AGL: variants seen among roughly 807,000 people sequenced by gnomAD.
AGL encodes glycogen debranching enzyme.
In AGL, 128 loss-of-function variants were observed where a neutral mutation model predicts 199.3. That is an observed-to-expected ratio of 0.64 (90% confidence interval 0.56 to 0.74). AGL has a LOEUF of 0.74. Ranked by LOEUF, AGL falls within the 30% of genes least tolerant of loss-of-function variation. The probability of loss-of-function intolerance (pLI) is 0.00; values close to 1 mark genes in which losing one functional copy is unlikely to be tolerated. For synonymous variants in AGL, 584 were observed against 594.7 expected, an observed-to-expected ratio of 0.98 and a Z score of 0.26; for missense variants, 1,809 against 1,820.8, an observed-to-expected ratio of 0.99 and a Z score of 0.12.
intron 13 of AGL, 89 bp downstream of exon 13, chr1:99,880,135 A>G: frequency 6.5e-7 from 1 of 1,548,246 alleles, no homozygotes; most frequent in South Asian, 1.1e-5. Flanking sequence ...GCAATGCTTA[A>G]TAATTTTTTA....
intron 27 of AGL, among the ~76,000 whole-genome samples, chr1:99,908,222 T>G (rs971674968): frequency 8.1e-5 from 12 of 147,450 alleles, no homozygotes; most frequent in Non-Finnish European, 1.4e-4. Context: ...TTTTTTTTTT[T>G]GCATGTGAAT....
intron 11 of AGL, among the ~76,000 whole-genome samples, chr1:99,877,173 C>CT (rs1166926903): frequency 6.6e-6 from 1 of 151,798 alleles, no homozygotes; most frequent in African/African-American, 2.4e-5. Context: ...AATCTTAATG[C>CT]TTTTTTTTAA....
At chr1:99,873,851 A>G (rs1651235902) in intron 7 of AGL, among the ~76,000 whole-genome samples, 1 of 152,126 alleles carries the variant, frequency 6.6e-6, no homozygotes. Flanking sequence ...TATGAAACCC[A>G]TTATTTTGTT....
rs1655149261 is a variant in AGL, at chr1:99,916,738, C to A, written c.4481+7C>A. On this transcript the variant is annotated splice_region_variant and intron_variant, in intron 33 of 33. Coordinates refer to ENST00000361915, the MANE Select transcript of AGL (RefSeq NM_000642.3). ...ATTATGTTCATCTTGAGAGGTAAGT[C>A]ATCAGGAGCATGTAATTTCCATAAC... 6.2e-7 allele frequency: 1 copy of A among 1,611,950 alleles called. No individual in the cohort carries two copies. Among genetic ancestry groups the A allele is most frequent in the Non-Finnish European group, 8.5e-7 (1 of 1,178,468 alleles).
rs1287520713 is a variant in AGL, at chr1:99,916,322, T to G, written c.4260-88T>G. 1.3e-5 allele frequency: 13 copies of G among 1,025,798 alleles called. No individual in the cohort carries two copies. The Admixed American group carries it at 2.6e-4, about 21-fold the overall frequency. 63.5% of individuals were successfully genotyped at this position (1,025,798 alleles called of 1,614,324 possible). On this transcript the variant is annotated intron_variant, in intron 31 of 33. Coordinates refer to ENST00000361915, the MANE Select transcript of AGL (RefSeq NM_000642.3). ...AGAAGACAAAATAATTGATTATTTC[T>G]CTTACCTTTGTTATTGAAATTTTTC...
At chr1:99,900,902 T>A in intron 26 of AGL, 41 bp downstream of exon 26, 1 of 1,505,326 alleles carries the variant, frequency 6.6e-7, no homozygotes, top group Middle Eastern at 1.7e-4. Context: ...TTTTTTTTTT[T>A]TTTCTGAAAA....
At chr1:99,857,596 G>A (rs1242914617) in intron 2 of AGL, among the ~76,000 whole-genome samples, 1 of 151,722 alleles carries the variant, frequency 6.6e-6, no homozygotes, top group Non-Finnish European at 1.5e-5. Flanking sequence ...GATCACTCGC[G>A]GTTAGGAGCT....
chr1:99,884,390 A>G lies in AGL; in HGVS notation c.2485A>G (p.Asn829Asp). 6.2e-7 allele frequency: 1 copy of G among 1,613,538 alleles called. No individual in the cohort carries two copies. The highest frequency in any genetic ancestry group is 8.5e-7 in the Non-Finnish European group (1 of 1,179,748). ...AGCTGGAGTTGCCACAAAAGGGCCC[A>G]ATGAATATATTCAAGAAATAGAATT... ...KQAGVATKGP[N>D]EYIQEIEFEN... The change falls in exon 19 of 34, where the codon AAT (asparagine) becomes GAT (aspartate). Residue 829 changes from asparagine (N) to aspartate (D), a missense_variant. Physicochemically the swap from Asn to Asp is conservative, Grantham distance 23. Coordinates refer to ENST00000361915, the MANE Select transcript of AGL (RefSeq NM_000642.3).
At position 99,891,636 on chromosome 1, in the gene AGL, T is replaced by A. The variant is rs1652907975; in HGVS notation, c.2980T>A (p.Tyr994Asn). The change falls in exon 23 of 34, where the codon TAC (tyrosine) becomes AAC (asparagine). Residue 994 changes from tyrosine to asparagine, a missense_variant. By Grantham distance (143) the Tyr-to-Asn change is moderately radical (BLOSUM62 -2). Coordinates refer to ENST00000361915, the MANE Select transcript of AGL (RefSeq NM_000642.3). ...VGKWLQAMFF[Y>N]LKQIPRYLIP... Reference sequence around the variant, plus strand: ...TAAATGGTTGCAGGCTATGTTCTTCTACCTGAAGCAGATCCCACGTTACCT... The same window carrying A: ...TAAATGGTTGCAGGCTATGTTCTTCAACCTGAAGCAGATCCCACGTTACCT... The A allele has an allele frequency of 6.2e-7, 1 of 1,613,568 alleles. No individual in the cohort carries two copies. Among genetic ancestry groups the A allele is most frequent in the Non-Finnish European group, 8.5e-7 (1 of 1,179,690 alleles).
intron 7 of AGL, among the ~76,000 whole-genome samples, chr1:99,873,450 T>C (rs202235877): frequency 0.023 from 3,544 of 151,288 alleles, 44 homozygotes; most frequent in South Asian, 0.067. Context: ...TTTTTTTTTT[T>C]TGAGACAGAG....
intron 27 of AGL, among the ~76,000 whole-genome samples, chr1:99,907,972 A>G (rs1380167647): frequency 6.6e-6 from 1 of 151,906 alleles, no homozygotes; most frequent in African/African-American, 2.4e-5. Context: ...TGGGTTGTCT[A>G]TTCACTATCT....
rs540004344 is a variant in AGL, at chr1:99,910,314, T to G, written c.3701-398T>G. On this transcript the variant is annotated intron_variant, in intron 27 of 33. Transcript: ENST00000361915. ...GTACATACATTATTTAGCTCCATTT[T>G]GATACATGTAAATCCAGTTCATTAA... 5.3e-5 allele frequency among the ~76,000 whole-genome samples: 8 copies of G among 152,320 alleles called. No individual in the cohort carries two copies. In the South Asian group the frequency reaches 1.5e-3, roughly 28 times the overall value.
chr1:99,884,840 C>A, intron 20 of AGL, 137 bp downstream of exon 20: 2 of 1,010,080 alleles, frequency 2.0e-6, no homozygotes, highest in Non-Finnish European at 3.0e-6. Flanking sequence ...TCAGCATCAC[C>A]TGTTGTTAAC....
chr1:99,890,409 C>T (rs766150269), intron 21 of AGL, among the ~76,000 whole-genome samples: 3 of 151,486 alleles, frequency 2.0e-5, no homozygotes, highest in Non-Finnish European at 4.4e-5. Context: ...AAGCTTTCTT[C>T]CCCAGAGAAG....
chr1:99,894,082 G>A (rs1033622135), intron 24 of AGL, among the ~76,000 whole-genome samples: 19 of 151,976 alleles, frequency 1.3e-4, no homozygotes, highest in African/African-American at 4.4e-4. Flanking sequence ...TAGCTACTCA[G>A]GAGGCTGGGG....
At chr1:99,877,884 C>G in intron 12 of AGL, 56 bp downstream of exon 12, 1 of 1,555,330 alleles carries the variant, frequency 6.4e-7, no homozygotes, top group Non-Finnish European at 8.9e-7. Flanking sequence ...TCCTTCCTAG[C>G]TTTCCTTAAG....
chr1:99,900,464 T>G (rs928357350), intron 25 of AGL, among the ~76,000 whole-genome samples, 172 bp from the exon 26 acceptor site: 2 of 152,136 alleles, frequency 1.3e-5, no homozygotes, highest in African/African-American at 2.4e-5. Flanking sequence ...GTTCCTGACT[T>G]TAATTCAGTA....
chr1:99,877,660 G>C lies in AGL; in HGVS notation c.1443G>C (p.Arg481Ser), dbSNP rs767186878. Residue 481 changes from arginine to serine, a missense_variant, in exon 12 of 34, where the codon AGG (arginine) becomes AGC (serine). By Grantham distance (110) the Arg-to-Ser change is moderately radical. Transcript: ENST00000361915. ...GAACAGGTTCAGAAGTTTACCTAAG[G>C]AGAGAACTTATTTGCTGGGGAGACA... The part of the protein sequence containing the change: ...FAEPGSEVYL[R>S]RELICWGDSV... 6 of 1,613,982 alleles carry C rather than the reference G, an allele frequency of 3.7e-6. No individual in the cohort carries two copies. The highest frequency in any genetic ancestry group is 5.1e-6 in the Non-Finnish European group (6 of 1,179,970).
chr1:99,913,426 TGTA>T lies in AGL; in HGVS notation c.3950-96_3950-94del, dbSNP rs1654893584. 4.0e-6 allele frequency: 4 copies of T among 989,424 alleles called. No individual in the cohort carries two copies. The East Asian group carries it at 1.0e-4, about 26-fold the overall frequency. The allele number at this position is 989,424 out of a possible 1,614,324, so 61.3% of individuals were successfully genotyped here. ...TCCAAAAGTGGATAATTTATTGCCT[TGTA>T]GTAGATAAAAATAAACTAAATATTA... On this transcript the variant is annotated intron_variant, in intron 29 of 33. Coordinates refer to ENST00000361915, the MANE Select transcript of AGL (RefSeq NM_000642.3).
Sources: gnomAD v4.1 joint callset for allele counts (sites outside exome capture counted in the v4.1 genomes callset) on GRCh38, gnomAD v4.1.1 for gene constraint, MANE v1.5 for transcripts, NCBI Gene and HGNC (gene_info 2026-07-23, HGNC 2026-07-21) for gene names.